The following FAAH2 variants were observed in gnomAD, a reference collection of about 807,000 sequenced individuals.
FAAH2 encodes fatty acid amide hydrolase 2.
In FAAH2, 60 loss-of-function variants were observed where a neutral mutation model predicts 36.9. The ratio of observed to expected loss-of-function variants is 1.63; its 90% CI spans 1.32 to 2.02. The LOEUF (loss-of-function observed/expected upper bound fraction) is 2.02, where lower values mean the gene tolerates loss of function less well. Ranked by LOEUF, FAAH2 falls within the 30% of genes most tolerant of loss-of-function variation. FAAH2 has a pLI of 0.00. For missense variants in FAAH2, 689 were observed against 397.5 expected (o/e 1.73, Z -6.23); for synonymous variants, 214 against 143.8 (o/e 1.49, Z -3.49).
the FAAH2 span, among the ~76,000 whole-genome samples, chrX:57,190,845 A>G: frequency 9.0e-6 from 1 of 110,688 alleles, no homozygotes; most frequent in Non-Finnish European, 1.9e-5. Flanking sequence ...ATGTTCGGCC[A>G]TCCTGCAATA....
chrX:57,190,622 A>G, the FAAH2 span, among the ~76,000 whole-genome samples: 1 of 109,934 alleles, frequency 9.1e-6, no homozygotes, highest in African/African-American at 3.3e-5. Context: ...GCAGTTCCTC[A>G]TGGCTTCCTT....
the FAAH2 span, among the ~76,000 whole-genome samples, chrX:57,146,732 A>G: frequency 8.9e-6 from 1 of 112,050 alleles, no homozygotes; most frequent in African/African-American, 3.2e-5. Context: ...ACATTCAGGT[A>G]TGTCTCTTCT....
chrX:57,274,392 C>T, the FAAH2 span, among the ~76,000 whole-genome samples: 4 of 112,221 alleles, frequency 3.6e-5, no homozygotes, highest in African/African-American at 6.5e-5. Context: ...AGAGGGCATC[C>T]TCCCTCATTT....
At chrX:57,481,985 C>T (rs1445259531) in intron 10 of FAAH2, among the ~76,000 whole-genome samples, 1 of 111,762 alleles carries the variant, frequency 8.9e-6, no homozygotes, top group Non-Finnish European at 1.9e-5. Flanking sequence ...TTCAGTCTGG[C>T]CACAGCCACT....
the FAAH2 span, among the ~76,000 whole-genome samples, chrX:57,206,193 C>T: frequency 8.9e-6 from 1 of 112,067 alleles, no homozygotes; most frequent in African/African-American, 3.2e-5. Flanking sequence ...AGGATCTCCT[C>T]TAAGGATAGA....
At chrX:57,154,355 C>T in the FAAH2 span, among the ~76,000 whole-genome samples, 6 of 107,016 alleles carry the variant, frequency 5.6e-5, no homozygotes, top group Non-Finnish European at 9.6e-5. Context: ...ACCTTTGCTC[C>T]CCAGTTCAAG....
At chrX:57,124,244 C>T in the FAAH2 span, among the ~76,000 whole-genome samples, 1 of 111,472 alleles carries the variant, frequency 9.0e-6, no homozygotes, top group African/African-American at 3.3e-5. Flanking sequence ...TTCCCAGCAC[C>T]GTTTATTAAA....
chrX:57,243,039 C>A, the FAAH2 span, among the ~76,000 whole-genome samples: 1 of 111,805 alleles, frequency 8.9e-6, no homozygotes, highest in Admixed American at 9.5e-5. Context: ...AGTATGAAGT[C>A]AATCTGGGAT....
intron 4 of FAAH2, among the ~76,000 whole-genome samples, chrX:57,336,386 T>A (rs763871158): frequency 2.3e-4 from 26 of 111,203 alleles, no homozygotes; most frequent in Non-Finnish European, 4.0e-4. Context: ...TGCACCCAGG[T>A]GAAATAAACA....
chrX:57,323,444 C>T (rs952167144), intron 3 of FAAH2, among the ~76,000 whole-genome samples: 66 of 111,602 alleles, frequency 5.9e-4, no homozygotes, highest in African/African-American at 2.1e-3. Context: ...GTTTACAGTC[C>T]CACCAACATT....
At chrX:57,424,013 G>A (rs1248040558) in intron 7 of FAAH2, among the ~76,000 whole-genome samples, 1 of 111,432 alleles carries the variant, frequency 9.0e-6, no homozygotes, top group East Asian at 2.8e-4. Flanking sequence ...AAGGAGATAT[G>A]ATCTGTGTGA....
chrX:57,384,081 C>A (rs2054938149), intron 7 of FAAH2, among the ~76,000 whole-genome samples: 2 of 111,381 alleles, frequency 1.8e-5, no homozygotes, highest in Non-Finnish European at 3.8e-5. Flanking sequence ...GGAAACAATT[C>A]CCTATTTAAC....
At chrX:57,190,504 G>C in the FAAH2 span, among the ~76,000 whole-genome samples, 1 of 109,571 alleles carries the variant, frequency 9.1e-6, no homozygotes, top group Non-Finnish European at 1.9e-5. Context: ...CAGCCGCCCA[G>C]TTTTGTGCTT....
chrX:57,394,870 G>C, intron 7 of FAAH2: 2 of 1,030,089 alleles, frequency 1.9e-6, no homozygotes, highest in Non-Finnish European at 2.7e-6. Flanking sequence ...ACAGAAGCAA[G>C]TCACGCATCA....
the FAAH2 span, among the ~76,000 whole-genome samples, chrX:57,251,924 G>T: frequency 1.5e-4 from 17 of 111,915 alleles, no homozygotes; most frequent in South Asian, 6.0e-3. Context: ...AGTGCAAGGG[G>T]TCAGGGGATT....
chrX:57,370,400 C>A (rs1202346753), intron 5 of FAAH2, among the ~76,000 whole-genome samples: 1 of 110,978 alleles, frequency 9.0e-6, no homozygotes, highest in African/African-American at 3.3e-5. Flanking sequence ...TATATAATGA[C>A]AAAAGTTGAT....
At position 57,321,452 on chromosome X, in the gene FAAH2, T is replaced by A. The variant is rs181550465; in HGVS notation, c.413-10146T>A. On this transcript the variant is annotated intron_variant, in intron 3 of 10. Transcript: ENST00000374900. ...AAAACCTGCACGTTCTGCATATGTA[T>A]CCCATAACTTATAGTATAATAATAA... 4.6e-5 allele frequency among the ~76,000 whole-genome samples: 5 copies of A among 109,608 alleles called. No individual in the cohort carries two copies. In the East Asian group the frequency reaches 1.4e-3, roughly 32 times the overall value.
chrX:57,480,703 C>T (rs1217948674), intron 10 of FAAH2, among the ~76,000 whole-genome samples: 3 of 110,626 alleles, frequency 2.7e-5, no homozygotes, highest in Admixed American at 1.9e-4. Context: ...GAGAATCTGG[C>T]GATTAGGTGT....
intron 7 of FAAH2, among the ~76,000 whole-genome samples, chrX:57,397,376 C>T (rs888378192): frequency 2.7e-5 from 3 of 111,968 alleles, no homozygotes; most frequent in Admixed American, 9.4e-5. Context: ...TGCTCATGTG[C>T]ACATGTGACA....
Sources: gnomAD v4.1 joint callset for allele counts (sites outside exome capture counted in the v4.1 genomes callset) on GRCh38, gnomAD v4.1.1 for gene constraint, MANE v1.5 for transcripts, NCBI Gene and HGNC (gene_info 2026-07-23, HGNC 2026-07-21) for gene names.